NUP98: variants seen among roughly 807,000 people sequenced by gnomAD.
NUP98 encodes nuclear pore complex protein Nup98-Nup96.
A neutral mutation model predicts 191.9 loss-of-function variants in NUP98; 26 were observed. That is an observed-to-expected ratio of 0.14 (90% CI 0.10 to 0.19). The LOEUF (loss-of-function observed/expected upper bound fraction) is 0.19, where lower values mean the gene tolerates loss of function less well. Among genes scored for constraint, NUP98 ranks in the 10% least tolerant of loss-of-function variants. The pLI, the probability that NUP98 is intolerant of heterozygous loss-of-function variation, is 1.00. For missense variants in NUP98, 1,941 were observed against 2,178.8 expected (o/e 0.89, Z 2.17); for synonymous variants, 808 against 778.4 (o/e 1.04, Z -0.63).
rs2133988647 is a variant in NUP98 at position 3,676,336 on chromosome 11, C to G, written c.5226G>C (p.Leu1742=). Residue 1742 remains leucine (L), a synonymous_variant, in exon 33 of 33, where the codon CTG becomes CTC. Coordinates refer to ENST00000324932, the MANE Select transcript of NUP98 (RefSeq NM_016320.5). ...TTCTATCAGGAGGATGATGCAGACT[C>G]AGCACCACGCGCAGCAGGTTGGCTA... ...KRVANLLRVV[L]SLHHPPDRTS... 6.2e-7 allele frequency: 1 copy of G among 1,614,046 alleles called. No individual in the cohort carries two copies. Among genetic ancestry groups the G allele is most frequent in the Non-Finnish European group, 8.5e-7 (1 of 1,179,932 alleles).
chr11:3,747,472 A>C (rs2080550188), intron 11 of NUP98, among the ~76,000 whole-genome samples: 1 of 152,170 alleles, frequency 6.6e-6, no homozygotes, highest in South Asian at 2.1e-4. Flanking sequence ...TGATAGTGCT[A>C]ATGATGTTAA....
chr11:3,711,900 G>C (rs1643163719), intron 20 of NUP98: 2 of 1,037,442 alleles, frequency 1.9e-6, no homozygotes, highest in African/African-American at 1.7e-5. Flanking sequence ...AAGAATTATA[G>C]CATGGAAAAT....
intron 20 of NUP98, among the ~76,000 whole-genome samples, chr11:3,708,970 T>C (rs577360332): frequency 2.6e-5 from 4 of 152,326 alleles, no homozygotes; most frequent in South Asian, 2.1e-4. Context: ...TCTAAATATA[T>C]GGAGGGTAAC....
rs2079605448 is a variant in NUP98 at position 3,726,029 on chromosome 11, T to C, written c.1731-810A>G. ...GGTTTCGCCAGGTTGCCCAGGCTGG[T>C]CTAACTTAGCCTAATGTAAGAGCAC... On this transcript the variant is annotated intron_variant, in intron 14 of 32. Coordinates refer to ENST00000324932, the MANE Select transcript of NUP98 (RefSeq NM_016320.5). Among the ~76,000 whole-genome samples, 3 of 152,146 alleles carry C rather than the reference T, an allele frequency of 2.0e-5. No homozygotes were observed. In the South Asian group the frequency reaches 6.2e-4, roughly 31 times the overall value.
At chr11:3,780,682 T>A (rs1259348904) in intron 2 of NUP98, among the ~76,000 whole-genome samples, 2 of 152,014 alleles carry the variant, frequency 1.3e-5, no homozygotes, top group African/African-American at 2.4e-5. Flanking sequence ...ATGCTTGTAA[T>A]CCCCTCGCTT....
chr11:3,749,159 T>G (rs1589870917), intron 11 of NUP98, among the ~76,000 whole-genome samples: 2 of 145,396 alleles, frequency 1.4e-5, no homozygotes, highest in Middle Eastern at 3.8e-3. Context: ...ATACAAAAAA[T>G]TAGCCGGGCG....
At chr11:3,720,228 C>A (rs1473969650) in intron 17 of NUP98, among the ~76,000 whole-genome samples, 3 of 152,120 alleles carry the variant, frequency 2.0e-5, no homozygotes, top group Non-Finnish European at 4.4e-5. Context: ...TGGCATTTCC[C>A]ACAAGAAAAT....
rs276907 is a variant in NUP98 at position 3,735,456 on chromosome 11, T to C, written c.1409-132A>G. On this transcript the variant is annotated intron_variant, in intron 12 of 32. Coordinates refer to ENST00000324932, the MANE Select transcript of NUP98 (RefSeq NM_016320.5). ...CAAAATGCTCAGATCAATGGTATCATTGGGGCAGAATGTGTGTAGAGCAAA... is the reference window on the plus strand; with the variant it reads ...CAAAATGCTCAGATCAATGGTATCACTGGGGCAGAATGTGTGTAGAGCAAA... 0.24 allele frequency: 92,298 copies of C among 388,710 alleles called. 12,086 individuals are homozygous for C. The highest frequency in any genetic ancestry group is 0.28 in the Non-Finnish European group (66,330 of 239,756). The allele number at this position is 388,710 out of a possible 1,614,324, so 24.1% of individuals were successfully genotyped here. A position where few individuals can be genotyped will look rare whatever the true frequency, so the allele number is the denominator to read the frequency against.
chr11:3,710,136 T>C (rs1258241648), intron 20 of NUP98, among the ~76,000 whole-genome samples: 1 of 152,110 alleles, frequency 6.6e-6, no homozygotes, highest in African/African-American at 2.4e-5. Flanking sequence ...AATATAAATA[T>C]GCCTGAGCCC....
At chr11:3,741,566 A>G (rs899973313) in intron 12 of NUP98, among the ~76,000 whole-genome samples, 2 of 152,138 alleles carry the variant, frequency 1.3e-5, no homozygotes, top group Non-Finnish European at 2.9e-5. Flanking sequence ...TATAGAAGTG[A>G]GCCGAGATCG....
chr11:3,759,604 TAAATAAATAAATAAATA>T (rs2081095515), intron 10 of NUP98, among the ~76,000 whole-genome samples: 1 of 151,828 alleles, frequency 6.6e-6, no homozygotes, highest in African/African-American at 2.4e-5. Flanking sequence ...ACCTCAAAAA[TAAATAAATAAATAAATA>T]AAATAATATC....
intron 20 of NUP98, chr11:3,711,968 G>GT: frequency 4.8e-6 from 5 of 1,044,132 alleles, no homozygotes; most frequent in Non-Finnish European, 5.8e-6. Flanking sequence ...AAGAAATCCC[G>GT]TATCAATGAT....
At chr11:3,716,937 G>A (rs623056) in intron 18 of NUP98, among the ~76,000 whole-genome samples, 85,322 of 151,934 alleles carry the variant, frequency 0.56, 25,209 homozygotes, top group African/African-American at 0.76. Context: ...AAATCATGCC[G>A]CTGGGATTTT....
chr11:3,780,557 A>AAAAG lies in NUP98; in HGVS notation c.77-1301_77-1300insCTTT, dbSNP rs1554903900. On this transcript the variant is annotated intron_variant, in intron 2 of 32. Transcript: ENST00000324932. ...ACTCCATCTCAAAAAAAAAAAAAAA[A>AAAAG]AAAAAGAAAAAGAAAAAGAAAAAGA... Among the ~76,000 whole-genome samples, 8 of 140,462 alleles carry AAAAG rather than the reference A, an allele frequency of 5.7e-5. No homozygotes were observed. The East Asian group carries it at 5.9e-4, about 10-fold the overall frequency. 92.1% of individuals were successfully genotyped at this position (140,462 alleles called of 152,430 possible).
intron 28 of NUP98, among the ~76,000 whole-genome samples, chr11:3,688,800 T>A (rs527982176): frequency 1.5e-5 from 2 of 131,406 alleles, no homozygotes; most frequent in Admixed American, 1.8e-4. Flanking sequence ...CTCGAAAATA[T>A]ATATATGTAT....
chr11:3,726,881 C>T (rs1454930455), intron 14 of NUP98, among the ~76,000 whole-genome samples: 1 of 151,860 alleles, frequency 6.6e-6, no homozygotes, highest in Non-Finnish European at 1.5e-5. Flanking sequence ...CCCACCTCAG[C>T]CTCCCAAATA....
chr11:3,788,355 C>T (rs536775377), intron 1 of NUP98, among the ~76,000 whole-genome samples: 70 of 152,312 alleles, frequency 4.6e-4, no homozygotes, highest in Non-Finnish European at 9.1e-4. Context: ...GCAATCCCAA[C>T]ACTTTGGGAG....
intron 18 of NUP98, 130 bp from the exon 19 acceptor site, chr11:3,714,125 C>A (rs2134176102): frequency 3.2e-6 from 3 of 938,968 alleles, no homozygotes; most frequent in Non-Finnish European, 3.2e-6. Flanking sequence ...CTGCATGTGT[C>A]ATAAACTTGA....
At chr11:3,761,157 A>T (rs1472458718) in intron 9 of NUP98, among the ~76,000 whole-genome samples, 1 of 152,212 alleles carries the variant, frequency 6.6e-6, no homozygotes, top group African/African-American at 2.4e-5. Flanking sequence ...ATTACAGGAA[A>T]ATCAGGAGTG....
Sources: gnomAD v4.1 joint callset for allele counts (sites outside exome capture counted in the v4.1 genomes callset) on GRCh38, gnomAD v4.1.1 for gene constraint, MANE v1.5 for transcripts, NCBI Gene and HGNC (gene_info 2026-07-23, HGNC 2026-07-21) for gene names.